SLC35D4: variants seen among roughly 807,000 people sequenced by gnomAD.
The protein encoded by SLC35D4 is UDP-N-acetylglucosamine transporter SLC35D4.
the SLC35D4 span, among the ~76,000 whole-genome samples, chr18:23,251,211 GGGAGGC>G: frequency 6.6e-6 from 1 of 152,200 alleles, no homozygotes; most frequent in African/African-American, 2.4e-5. Flanking sequence ...CCAGCACTTT[GGGAGGC>G]AGAGGCAGGT....
chr18:23,324,168 G>C, the SLC35D4 span, among the ~76,000 whole-genome samples: 2 of 151,984 alleles, frequency 1.3e-5, no homozygotes, highest in Admixed American at 1.3e-4. Context: ...AGCTGCCCCA[G>C]GTGCACAAAG....
chr18:23,349,238 C>T, the SLC35D4 span, among the ~76,000 whole-genome samples: 1 of 152,190 alleles, frequency 6.6e-6, no homozygotes, highest in African/African-American at 2.4e-5. Flanking sequence ...TGTTCTAACC[C>T]TCTCTTCTCT....
the SLC35D4 span, among the ~76,000 whole-genome samples, chr18:23,276,237 A>T: frequency 3.3e-5 from 5 of 151,860 alleles, no homozygotes; most frequent in Admixed American, 2.6e-4. Context: ...ACAGGCACCC[A>T]CCAAAACGTC....
chr18:23,404,930 G>A, the SLC35D4 span, among the ~76,000 whole-genome samples: 9 of 139,174 alleles, frequency 6.5e-5, no homozygotes, highest in African/African-American at 1.3e-4. Context: ...AGGTTGCAGT[G>A]AGCTGAGATG....
chr18:23,388,566 G>A, the SLC35D4 span, among the ~76,000 whole-genome samples: 2 of 152,128 alleles, frequency 1.3e-5, no homozygotes, highest in African/African-American at 2.4e-5. Context: ...GAAAACTTCC[G>A]GGACCTCCAA....
chr18:23,330,912 G>A, the SLC35D4 span: 2 of 152,226 alleles, frequency 1.3e-5, no homozygotes, highest in Non-Finnish European at 2.9e-5. Context: ...GCACCCACAC[G>A]AGAGGAGAGC....
At chr18:23,354,862 T>A in the SLC35D4 span, among the ~76,000 whole-genome samples, 1 of 151,982 alleles carries the variant, frequency 6.6e-6, no homozygotes, top group African/African-American at 2.4e-5. Context: ...GACTCATTTT[T>A]ACATTACTCA....
chr18:23,311,462 T>TA, the SLC35D4 span, among the ~76,000 whole-genome samples: 2 of 152,042 alleles, frequency 1.3e-5, no homozygotes, highest in African/African-American at 2.4e-5. Flanking sequence ...TGAAGTGGAC[T>TA]AAAATGTTAT....
chr18:23,286,038 C>T, the SLC35D4 span, among the ~76,000 whole-genome samples: 3 of 152,288 alleles, frequency 2.0e-5, no homozygotes, highest in African/African-American at 7.2e-5. Context: ...CCGTCTTATT[C>T]TCAATATACA....
At chr18:23,325,898 C>T in the SLC35D4 span, among the ~76,000 whole-genome samples, 1 of 152,172 alleles carries the variant, frequency 6.6e-6, no homozygotes, top group Non-Finnish European at 1.5e-5. Flanking sequence ...GAAAACAATG[C>T]CCATCAGTGG....
the SLC35D4 span, among the ~76,000 whole-genome samples, chr18:23,380,792 G>A: frequency 6.6e-6 from 1 of 151,858 alleles, no homozygotes; most frequent in South Asian, 2.1e-4. Flanking sequence ...GTGTGTGTGT[G>A]TGTATGTGTG....
chr18:23,254,828 C>T, the SLC35D4 span, among the ~76,000 whole-genome samples: 55 of 152,172 alleles, frequency 3.6e-4, no homozygotes, highest in Admixed American at 1.6e-3. Context: ...GGCCCCATCT[C>T]CTAATACCAT....
the SLC35D4 span, among the ~76,000 whole-genome samples, chr18:23,285,550 T>A: frequency 1.3e-5 from 2 of 152,182 alleles, no homozygotes; most frequent in Non-Finnish European, 2.9e-5. Flanking sequence ...ACGTCCAGGC[T>A]TTCTTTTACA....
the SLC35D4 span, among the ~76,000 whole-genome samples, chr18:23,241,584 C>G: frequency 6.6e-6 from 1 of 152,174 alleles, no homozygotes; most frequent in Non-Finnish European, 1.5e-5. Context: ...GTTTGTTTAT[C>G]CCTCCTCCTG....
chr18:23,371,436 T>A, the SLC35D4 span: 2 of 1,594,222 alleles, frequency 1.3e-6, no homozygotes, highest in Non-Finnish European at 1.7e-6. Flanking sequence ...ACAGAGTAAG[T>A]GAATTATAGC....
At chr18:23,291,422 T>C in the SLC35D4 span, among the ~76,000 whole-genome samples, 1 of 152,230 alleles carries the variant, frequency 6.6e-6, no homozygotes, top group South Asian at 2.1e-4. Context: ...GATTTTACCA[T>C]ATCTCATGCT....
chr18:23,298,488 T>C, the SLC35D4 span, among the ~76,000 whole-genome samples: 1 of 152,130 alleles, frequency 6.6e-6, no homozygotes, highest in Admixed American at 6.5e-5. Context: ...AAGGTGACAA[T>C]CTCAGTTTTC....
chr18:23,247,396 G>T, the SLC35D4 span, among the ~76,000 whole-genome samples: 794 of 152,342 alleles, frequency 5.2e-3, 2 homozygotes, highest in African/African-American at 0.016. Context: ...TGAACAGTGT[G>T]GGGCTGGTGC....
the SLC35D4 span, among the ~76,000 whole-genome samples, chr18:23,281,461 C>A: frequency 6.6e-6 from 1 of 152,056 alleles, no homozygotes; most frequent in Admixed American, 6.6e-5. Context: ...TAGCTGGGAC[C>A]ACAGGCGTGC....
Sources: allele counts gnomAD v4.1 joint callset (sites outside exome capture counted in the v4.1 genomes callset), GRCh38; gene constraint gnomAD v4.1.1; transcripts MANE v1.5; gene names NCBI Gene and HGNC (gene_info 2026-07-23, HGNC 2026-07-21).